RPE65: variants seen among roughly 807,000 people sequenced by gnomAD.
RPE65 encodes the protein retinoid isomerohydrolase RPE65.
In RPE65, 58 loss-of-function variants were observed where a neutral mutation model predicts 68.5. That is an observed-to-expected ratio of 0.85 (90% CI 0.69 to 1.05). The LOEUF (loss-of-function observed/expected upper bound fraction) is 1.05. Among genes scored for constraint, RPE65 ranks in the 50% least tolerant of loss-of-function variants. RPE65 has a pLI of 0.00. For missense variants in RPE65, 643 were observed against 629.9 expected (o/e 1.02, Z -0.22); for synonymous variants, 220 against 222.2 (o/e 0.99, Z 0.09).
At chr1:68,449,014 T>A (rs1482652612) in intron 1 of RPE65, among the ~76,000 whole-genome samples, 1 of 152,158 alleles carries the variant, frequency 6.6e-6, no homozygotes, top group Non-Finnish European at 1.5e-5. Context: ...AATCCTGTCC[T>A]CTGCAGTTTT....
At chr1:68,441,073 G>T in intron 5 of RPE65, 73 bp from the exon 6 acceptor site, 1 of 1,544,636 alleles carries the variant, frequency 6.5e-7, no homozygotes, top group Non-Finnish European at 8.9e-7. Flanking sequence ...TAGGTCTGAG[G>T]TCATCACTAC....
intron 10 of RPE65, among the ~76,000 whole-genome samples, chr1:68,435,445 G>A (rs2100813263): frequency 6.6e-6 from 1 of 151,840 alleles, no homozygotes; most frequent in South Asian, 2.1e-4. Context: ...ATTAATTATG[G>A]GCTTTTCTTT....
In RPE65 at chr1:68,429,884, C is replaced by A. The variant is rs756701183; in HGVS notation, c.1494G>T (p.Lys498Asn). Residue 498 changes from lysine to asparagine, a missense_variant, in exon 14 of 14, where the codon AAG becomes AAT. Physicochemically the swap from Lys to Asn is moderately conservative, Grantham distance 94. Coordinates refer to ENST00000262340, the MANE Select transcript of RPE65 (RefSeq NM_000329.3). ...SVVVSPGAGQKPAYLLILNAK... is the reference protein window; with the variant it reads ...SVVVSPGAGQNPAYLLILNAK... ...CATTCAGAATCAGGAGATAAGCAGG[C>A]TTTTGTCCTGCTCCTGGGCTCACCA... 3 of 1,613,834 alleles carry A rather than the reference C, an allele frequency of 1.9e-6. No homozygotes were observed. Among genetic ancestry groups the A allele is most frequent in the Non-Finnish European group, 2.5e-6 (3 of 1,179,810 alleles).
Position 68,431,106 on chromosome 1 carries a change from G to T in RPE65, c.1409C>A (p.Pro470His), listed in dbSNP as rs774211361. Residue 470 changes from proline (P) to histidine (H), a missense_variant, in exon 13 of 14, where the codon CCC becomes CAC. Coordinates refer to ENST00000262340, the MANE Select transcript of RPE65 (RefSeq NM_000329.3). The part of the protein sequence containing the change: ...WQEPDSYPSE[P>H]IFVSHPDALE... ...GGCATCTGGGTGAGAAACAAAGATG[G>T]GTTCTGATGGGTATGAATCAGGCTC... The T allele has an allele frequency of 6.2e-7, 1 of 1,613,736 alleles. No individual in the cohort carries two copies. The highest frequency in any genetic ancestry group is 8.5e-7 in the Non-Finnish European group (1 of 1,179,796).
chr1:68,435,749 T>G (rs3790469), intron 10 of RPE65, among the ~76,000 whole-genome samples: 23,117 of 152,148 alleles, frequency 0.15, 2,019 homozygotes, highest in East Asian at 0.36. Context: ...TCCATTAATC[T>G]CCCCTACATT....
At chr1:68,449,761 A>T (rs941189134) in intron 1 of RPE65, 134 bp downstream of exon 1, 3 of 1,061,320 alleles carry the variant, frequency 2.8e-6, no homozygotes, top group African/African-American at 1.6e-5. Flanking sequence ...GCAGGAAAAA[A>T]TTTCCCCACC....
intron 5 of RPE65, among the ~76,000 whole-genome samples, chr1:68,441,246 G>C (rs1373623074): frequency 6.6e-6 from 1 of 152,140 alleles, no homozygotes; most frequent in East Asian, 1.9e-4. Flanking sequence ...ATACCATACA[G>C]TGCTCTGGTT....
At chr1:68,447,693 C>A (rs1040630348) in intron 2 of RPE65, among the ~76,000 whole-genome samples, 3 of 151,994 alleles carry the variant, frequency 2.0e-5, no homozygotes, top group African/African-American at 7.3e-5. Flanking sequence ...ACTAAAAATA[C>A]GAAAAATTAG....
chr1:68,437,042 A>T (rs1645867530), intron 10 of RPE65, among the ~76,000 whole-genome samples: 1 of 151,972 alleles, frequency 6.6e-6, no homozygotes, highest in East Asian at 1.9e-4. Flanking sequence ...TCTGCTCTAG[A>T]CTCTCCACTT....
chr1:68,433,765 G>C (rs1308332799), intron 10 of RPE65, among the ~76,000 whole-genome samples: 1 of 152,120 alleles, frequency 6.6e-6, no homozygotes, highest in African/African-American at 2.4e-5. Context: ...TAAGCATGGA[G>C]GGGGTGGAGA....
chr1:68,436,051 C>T (rs932954007), intron 10 of RPE65, among the ~76,000 whole-genome samples: 3 of 152,162 alleles, frequency 2.0e-5, no homozygotes, highest in Non-Finnish European at 4.4e-5. Flanking sequence ...TTTCTTCAGG[C>T]CGTGATAACC....
Position 68,446,777 on chromosome 1 carries a change from G to C in RPE65, c.178C>G (p.Leu60Val). The C allele has an allele frequency of 6.2e-7, 1 of 1,614,190 alleles. No individual in the cohort carries two copies. The highest frequency in any genetic ancestry group is 8.5e-7 in the Non-Finnish European group (1 of 1,180,028). The change falls in exon 3 of 14, where the codon CTG becomes GTG. Residue 60 changes from leucine to valine, a missense_variant. Physicochemically the swap from Leu to Val is conservative, Grantham distance 32. Transcript: ENST00000262340. ...FEVGSEPFYHLFDGQALLHKF... is the reference protein window; with the variant it reads ...FEVGSEPFYHVFDGQALLHKF... ...TGCAGGAGGGCTTGCCCATCAAACA[G>C]GTGGTAAAATGGCTCAGATCCAACT...
At position 68,449,849 on chromosome 1, in the gene RPE65, A is replaced by G. The variant is rs1395651806; in HGVS notation, c.11+46T>C. 3 of 1,602,904 alleles carry G rather than the reference A, an allele frequency of 1.9e-6. 1 individual carries two copies. The highest frequency in any genetic ancestry group is 2.2e-5 in the South Asian group (2 of 90,866). The stretch of plus-strand genomic sequence containing the variant: ...GAGCCCTTGAAATAGCACATTTATC[A>G]TGAATCCATGAAGGTGTTTTAAAAA... On this transcript the variant is annotated intron_variant, in intron 1 of 13. Coordinates refer to ENST00000262340, the MANE Select transcript of RPE65 (RefSeq NM_000329.3).
intron 10 of RPE65, among the ~76,000 whole-genome samples, chr1:68,436,785 A>G (rs1329601001): frequency 2.6e-5 from 4 of 151,956 alleles, no homozygotes; most frequent in East Asian, 3.9e-4. Context: ...TCTTACTTCT[A>G]TGTTTTCAGT....
chr1:68,438,341 G>A (rs376628071), intron 9 of RPE65, 25 bp from the exon 10 acceptor site: 16 of 1,609,262 alleles, frequency 9.9e-6, no homozygotes, highest in African/African-American at 4.0e-5. Context: ...AGTCAAACAT[G>A]AGCACAGGCA....
At chr1:68,446,655 G>A (rs1645944892) in intron 3 of RPE65, 55 bp downstream of exon 3, 1 of 1,611,772 alleles carries the variant, frequency 6.2e-7, no homozygotes, top group Admixed American at 1.7e-5. Context: ...ATGGGAGGAG[G>A]AGCCAAGCTA....
At chr1:68,440,073 A>T (rs1645889212) in intron 6 of RPE65, among the ~76,000 whole-genome samples, 1 of 152,200 alleles carries the variant, frequency 6.6e-6, no homozygotes, top group South Asian at 2.1e-4. Flanking sequence ...ACTCACTAGT[A>T]AGTGAATGGT....
Position 68,429,196 on chromosome 1 carries a change from A to G in RPE65, c.*580T>C, listed in dbSNP as rs1409461113. 6.5e-6 allele frequency: 1 copy of G among 152,718 alleles called. No homozygotes were observed. Among genetic ancestry groups the G allele is most frequent in the Admixed American group, 6.5e-5 (1 of 15,344 alleles). The allele number at this position is 152,718 out of a possible 1,614,324, so 9.5% of individuals were successfully genotyped here. On this transcript the variant is annotated 3_prime_UTR_variant, in exon 14 of 14. Coordinates refer to ENST00000262340, the MANE Select transcript of RPE65 (RefSeq NM_000329.3). ...TTCTTATTATAAAATCAGAAATAAT[A>G]GTACTTGCTTGTAATAAACGGAAAG... is the stretch of plus-strand genomic sequence containing the variant.
In RPE65 at chr1:68,444,664, G is replaced by T; in HGVS notation, c.362C>A (p.Ser121Tyr). 1 of 1,613,886 alleles carries T rather than the reference G, an allele frequency of 6.2e-7. No homozygotes were observed. The highest frequency in any genetic ancestry group is 8.5e-7 in the Non-Finnish European group (1 of 1,179,946). Residue 121 changes from serine to tyrosine, a missense_variant, in exon 5 of 14, where the codon TCT becomes TAT. By Grantham distance (144) the Ser-to-Tyr change is moderately radical. Transcript: ENST00000262340. ...AGTAACCTCTACTCCTCGAAAGTAAGAAAAAAACCTGTAGAAACAAATGAA... is the reference window on the plus strand; with the variant it reads ...AGTAACCTCTACTCCTCGAAAGTAATAAAAAAACCTGTAGAAACAAATGAA... ...PCKNIFSRFF[S>Y]YFRGVEVTDN...
Sources: gnomAD v4.1 joint callset for allele counts (sites outside exome capture counted in the v4.1 genomes callset) on GRCh38, gnomAD v4.1.1 for gene constraint, MANE v1.5 for transcripts, NCBI Gene and HGNC (gene_info 2026-07-23, HGNC 2026-07-21) for gene names.